MFSD12: variants seen among roughly 807,000 people sequenced by gnomAD.
MFSD12 encodes the protein major facilitator superfamily domain-containing protein 12.
Under a neutral mutation model 51.2 loss-of-function variants are expected in MFSD12, and 67 were observed. The ratio of observed to expected loss-of-function variants is 1.31; its 90% CI spans 1.08 to 1.60. The LOEUF is 1.60. MFSD12 is among the 40% of genes most tolerant of loss of function. MFSD12 has a pLI of 0.00. For synonymous variants in MFSD12, 441 were observed against 316.7 expected (o/e 1.39, Z -4.17); for missense variants, 921 against 673.0 (o/e 1.37, Z -4.08).
chr19:3,541,168 CAAA>C (rs1207941689), downstream of MFSD12, among the ~76,000 whole-genome samples: 2 of 87,168 alleles, frequency 2.3e-5, no homozygotes, highest in South Asian at 4.3e-4. Context: ...GACTCTGTCT[CAAA>C]AAAAAAAAAA....
In MFSD12 at chr19:3,544,948, G is replaced by A; in HGVS notation, c.1290-9C>T. The stretch of plus-strand genomic sequence containing the variant: ...TGCAGCAGAGCTCTGAGCTGTGGGA[G>A]GAGGCGGGGGATGAGTAGGCACCGC... On this transcript the variant is annotated splice_polypyrimidine_tract_variant and intron_variant, in intron 8 of 9. Transcript: ENST00000355415. The A allele has an allele frequency of 1.9e-6, 3 of 1,600,796 alleles. No homozygotes were observed. The highest frequency in any genetic ancestry group is 4.5e-5 in the East Asian group (2 of 44,346).
intron 1 of MFSD12, among the ~76,000 whole-genome samples, chr19:3,556,012 C>A (rs529517094): frequency 6.6e-6 from 1 of 152,318 alleles, no homozygotes; most frequent in South Asian, 2.1e-4. Flanking sequence ...CCTCTCTAAT[C>A]AGGGCAGCTC....
chr19:3,543,332 C>T, downstream of MFSD12: 1 of 1,549,514 alleles, frequency 6.5e-7, no homozygotes, highest in Non-Finnish European at 8.7e-7. Flanking sequence ...CGCAGCCGGC[C>T]AGCTGTGGTA....
chr19:3,546,019 C>G, intron 8 of MFSD12, 55 bp downstream of exon 8: 1 of 1,574,738 alleles, frequency 6.4e-7, no homozygotes, highest in South Asian at 1.1e-5. Context: ...ACACAGCAGG[C>G]GCTTAATCCC....
At chr19:3,542,969 C>T (rs1453847452), downstream of MFSD12, 5 of 1,546,934 alleles carry the variant, frequency 3.2e-6, no homozygotes, top group South Asian at 5.6e-5. Context: ...CTTCTCCAGG[C>T]AAGAAAAGCT....
downstream of MFSD12, among the ~76,000 whole-genome samples, chr19:3,541,391 C>G (rs1264804322): frequency 3.3e-5 from 5 of 151,456 alleles, no homozygotes; most frequent in Non-Finnish European, 7.4e-5. Flanking sequence ...GGAATGATCT[C>G]AGCTCACTGC....
chr19:3,546,171 G>C lies in MFSD12; in HGVS notation c.1195-3C>G, dbSNP rs770380127. 1 of 1,612,636 alleles carries C rather than the reference G, an allele frequency of 6.2e-7. No individual in the cohort carries two copies. Among genetic ancestry groups the C allele is most frequent in the Non-Finnish European group, 8.5e-7 (1 of 1,179,696 alleles). ...CCGTACACGAACGCTCCGCTGTTCT[G>C]TGGAGACACAGGCGAGGTGGTCAGC... On this transcript the variant is annotated splice_region_variant and splice_polypyrimidine_tract_variant and intron_variant, in intron 7 of 9. Coordinates refer to ENST00000355415, the MANE Select transcript of MFSD12 (RefSeq NM_174983.5).
At chr19:3,544,135 G>T (rs2030725618), downstream of MFSD12, 20 of 1,416,756 alleles carry the variant, frequency 1.4e-5, no homozygotes, top group Non-Finnish European at 1.5e-5. Context: ...CACAACCAGG[G>T]CAGGGCTGAG....
chr19:3,540,835 T>A (rs143165903), downstream of MFSD12, among the ~76,000 whole-genome samples: 1 of 128,900 alleles, frequency 7.8e-6, no homozygotes, highest in African/African-American at 2.9e-5. Context: ...GCCGAGATCG[T>A]GCCACTGGAC....
downstream of MFSD12, chr19:3,544,065 A>T: frequency 6.8e-7 from 1 of 1,472,462 alleles, no homozygotes; most frequent in Non-Finnish European, 9.1e-7. Context: ...GGGGGCACTA[A>T]CCTAGTCCCA....
At chr19:3,546,220 G>C in intron 7 of MFSD12, 35 bp downstream of exon 7, 1 of 1,606,476 alleles carries the variant, frequency 6.2e-7, no homozygotes, top group Non-Finnish European at 8.5e-7. Context: ...TCTAGGACCC[G>C]GCCTCCCCCA....
chr19:3,545,405 C>G (rs2030918637), intron 8 of MFSD12, among the ~76,000 whole-genome samples: 1 of 151,054 alleles, frequency 6.6e-6, no homozygotes, highest in Admixed American at 6.5e-5. Flanking sequence ...CTCCCCTCCT[C>G]CCTCTACTCC....
chr19:3,544,848 G>A lies in MFSD12; in HGVS notation c.1381C>T (p.Leu461Phe), dbSNP rs1004917049. 6.2e-7 allele frequency: 1 copy of A among 1,612,416 alleles called. No individual in the cohort carries two copies. Among genetic ancestry groups the A allele is most frequent in the Non-Finnish European group, 8.5e-7 (1 of 1,179,726 alleles). ...GGVGVAAALC[L>F]CSLLLWPTRL... ...GTCGGCCACAGCAGGAGGCTACAGA[G>A]ACACAGGGCAGCGGCCACGCCCACG... Residue 461 changes from leucine (L) to phenylalanine (F), a missense_variant, in exon 9 of 10, where the codon CTC (leucine) becomes TTC (phenylalanine). Coordinates refer to ENST00000355415, the MANE Select transcript of MFSD12 (RefSeq NM_174983.5).
chr19:3,547,219 C>G (rs2031135734), intron 6 of MFSD12, 53 bp downstream of exon 6: 1 of 1,506,228 alleles, frequency 6.6e-7, no homozygotes, highest in Non-Finnish European at 9.2e-7. Context: ...GGGATCTCGG[C>G]TGCAGGGCAC....
rs777864382 is a variant in MFSD12 at position 3,544,956 on chromosome 19, G to C, written c.1290-17C>G. Reference sequence around the variant, plus strand: ...AGCTCTGAGCTGTGGGAGGAGGCGGGGGATGAGTAGGCACCGCGGGTACCA... The same window carrying C: ...AGCTCTGAGCTGTGGGAGGAGGCGGCGGATGAGTAGGCACCGCGGGTACCA... On this transcript the variant is annotated splice_polypyrimidine_tract_variant and intron_variant, in intron 8 of 9. Transcript: ENST00000355415. The C allele has an allele frequency of 1.1e-4, 168 of 1,595,694 alleles. No homozygotes were observed. Among genetic ancestry groups the C allele is most frequent in the Non-Finnish European group, 1.3e-4 (148 of 1,173,450 alleles).
intron 4 of MFSD12, 33 bp from the exon 5 acceptor site, chr19:3,547,580 G>A (rs753034009): frequency 5.1e-6 from 8 of 1,570,176 alleles, no homozygotes; most frequent in East Asian, 2.3e-5. Flanking sequence ...ACTGGCAGGG[G>A]TCAGGAGGGC....
At chr19:3,553,831 C>T (rs2031603697) in intron 1 of MFSD12, among the ~76,000 whole-genome samples, 2 of 151,568 alleles carry the variant, frequency 1.3e-5, no homozygotes, top group Admixed American at 1.3e-4. Flanking sequence ...CTTGTAATCC[C>T]AGCACTTTGG....
At chr19:3,549,048 C>A (rs201338021) in intron 2 of MFSD12, among the ~76,000 whole-genome samples, 3 of 152,116 alleles carry the variant, frequency 2.0e-5, no homozygotes, top group Non-Finnish European at 2.9e-5. Flanking sequence ...CTGAAATACG[C>A]GGGAGAGAAG....
downstream of MFSD12, chr19:3,539,866 T>C (rs1334586369): frequency 6.6e-6 from 1 of 152,454 alleles, no homozygotes; most frequent in Non-Finnish European, 1.5e-5. Flanking sequence ...ATACAGTGTC[T>C]ATTATCAATT....
Sources: allele counts gnomAD v4.1 joint callset (sites outside exome capture counted in the v4.1 genomes callset), GRCh38; gene constraint gnomAD v4.1.1; transcripts MANE v1.5; gene names NCBI Gene and HGNC (gene_info 2026-07-23, HGNC 2026-07-21).